The following STX7 variants were observed in gnomAD, a reference collection of about 807,000 sequenced individuals.
STX7 encodes the protein syntaxin-7.
STX7 carries 34 observed loss-of-function variants against 39.6 expected under a neutral mutation model. The observed-to-expected ratio is 0.86, with a 90% CI of 0.65 to 1.14. STX7 has a LOEUF of 1.14. STX7 is among the 50% of genes most tolerant of loss of function. The probability of loss-of-function intolerance (pLI) is 0.00; values close to 1 mark genes in which losing one functional copy is unlikely to be tolerated. For synonymous variants in STX7, 119 were observed against 99.1 expected, an observed-to-expected ratio of 1.20 and a Z score of -1.19; for missense variants, 284 against 310.4, an observed-to-expected ratio of 0.92 and a Z score of 0.64.
intron 2 of STX7, 121 bp from the exon 3 acceptor site, chr6:132,475,783 A>ACTTTGTTTTCCAG (rs11274894): frequency 0.21 from 110,328 of 526,024 alleles, 12,630 homozygotes; most frequent in African/African-American, 0.34. Flanking sequence ...AAAGATGAAA[A>ACTTTGTTTTCCAG]TAGAAAATAT....
At position 132,507,696 on chromosome 6, in the gene STX7, G is replaced by A. The variant is rs187376628; in HGVS notation, c.-58-4108C>T. Among the ~76,000 whole-genome samples the A allele has an allele frequency of 2.5e-4, 38 of 152,084 alleles. 1 individual carries two copies. The Middle Eastern group carries it at 0.01, about 41-fold the overall frequency. On this transcript the variant is annotated intron_variant, in intron 1 of 9. Coordinates refer to ENST00000367941, the MANE Select transcript of STX7 (RefSeq NM_003569.3). ...TCATTATTGCCAAATAATATTCCAAGGTATGGAGAAAGACAATTTTCTCTT... is the reference window on the plus strand; with the variant it reads ...TCATTATTGCCAAATAATATTCCAAAGTATGGAGAAAGACAATTTTCTCTT...
rs1774035786 is a variant in STX7 at position 132,447,337 on chromosome 6, T to C, written c.*13421A>G. On this transcript the variant is annotated 3_prime_UTR_variant, in exon 10 of 10. Transcript: ENST00000367941. ...GATTATGGTTAATATCTTTTGCAGA[T>C]TTTCTAAGAAATCTTTCCCTATCAG... is the stretch of plus-strand genomic sequence containing the variant. The C allele has an allele frequency of 6.6e-6, 1 of 152,174 alleles. No homozygotes were observed. Among genetic ancestry groups the C allele is most frequent in the African/African-American group, 2.4e-5 (1 of 41,444 alleles). The allele number at this position is 152,174 out of a possible 1,614,324, so 9.4% of individuals were successfully genotyped here. A position where few individuals can be genotyped will look rare whatever the true frequency, so the allele number is the denominator to read the frequency against.
At chr6:132,484,759 C>A (rs939627968) in intron 2 of STX7, among the ~76,000 whole-genome samples, 7 of 152,146 alleles carry the variant, frequency 4.6e-5, no homozygotes, top group African/African-American at 1.7e-4. Context: ...GGCTGACCAG[C>A]AAGTAGAGTT....
At chr6:132,484,445 G>A (rs192860139) in intron 2 of STX7, among the ~76,000 whole-genome samples, 350 of 152,240 alleles carry the variant, frequency 2.3e-3, no homozygotes, top group Non-Finnish European at 4.1e-3. Flanking sequence ...AATACATAAT[G>A]TTACCACCCG....
chr6:132,470,085 T>C, intron 6 of STX7, 38 bp from the exon 7 acceptor site: 1 of 1,479,852 alleles, frequency 6.8e-7, no homozygotes, highest in East Asian at 2.5e-5. Flanking sequence ...AAACAAAGAT[T>C]GGTATTCAAA....
chr6:132,481,337 A>G (rs1462777768), intron 2 of STX7, among the ~76,000 whole-genome samples: 1 of 152,120 alleles, frequency 6.6e-6, no homozygotes, highest in Non-Finnish European at 1.5e-5. Context: ...TGGAGGGGGA[A>G]AAAAACTGGT....
chr6:132,453,357 A>G lies in STX7; in HGVS notation c.*7401T>C, dbSNP rs1774178106. ...TCTAAGGAGAGAGGCAAAGTTCTTG[A>G]TACCAGAAGCATGATCCATAAAAAG... On this transcript the variant is annotated 3_prime_UTR_variant, in exon 10 of 10. Transcript: ENST00000367941. 6.6e-6 allele frequency: 1 copy of G among 152,122 alleles called. No homozygotes were observed. The highest frequency in any genetic ancestry group is 1.9e-4 in the East Asian group (1 of 5,202). The allele number at this position is 152,122 out of a possible 1,614,324, so 9.4% of individuals were successfully genotyped here.
At position 132,458,348 on chromosome 6, in the gene STX7, A is replaced by G. The variant is rs1269562129; in HGVS notation, c.*2410T>C. The G allele has an allele frequency of 6.6e-6, 1 of 152,226 alleles. No homozygotes were observed. Among genetic ancestry groups the G allele is most frequent in the Non-Finnish European group, 1.5e-5 (1 of 68,042 alleles). The allele number at this position is 152,226 out of a possible 1,614,324, so 9.4% of individuals were successfully genotyped here. A position where few individuals can be genotyped will look rare whatever the true frequency, so the allele number is the denominator to read the frequency against. On this transcript the variant is annotated 3_prime_UTR_variant, in exon 10 of 10. Transcript: ENST00000367941. Reference sequence around the variant, plus strand: ...ACCTACTAAAAAAACAAGCTACTCTAGTATCAATATGACATCACTCTTTTA... The same window carrying G: ...ACCTACTAAAAAAACAAGCTACTCTGGTATCAATATGACATCACTCTTTTA...
At chr6:132,472,467 G>A (rs896977149) in intron 3 of STX7, 92 bp from the exon 4 acceptor site, 2 of 955,838 alleles carry the variant, frequency 2.1e-6, no homozygotes, top group Non-Finnish European at 1.5e-6. Flanking sequence ...ATAAACAGTT[G>A]TACAAAAATT....
chr6:132,477,712 G>A (rs558748721), intron 2 of STX7, among the ~76,000 whole-genome samples: 7 of 151,904 alleles, frequency 4.6e-5, no homozygotes, highest in Non-Finnish European at 8.8e-5. Flanking sequence ...AAAATAACTT[G>A]GTTAAATGTT....
intron 2 of STX7, among the ~76,000 whole-genome samples, chr6:132,485,965 T>C (rs745798561): frequency 1.3e-5 from 2 of 152,238 alleles, no homozygotes; most frequent in Non-Finnish European, 2.9e-5. Flanking sequence ...TAATGTTTGA[T>C]GTTATTGTAA....
intron 1 of STX7, among the ~76,000 whole-genome samples, chr6:132,510,198 T>C (rs1287573149): frequency 1.3e-5 from 2 of 152,192 alleles, no homozygotes; most frequent in East Asian, 1.9e-4. Flanking sequence ...TTACAATTTA[T>C]TGCATATTTT....
chr6:132,502,600 T>C (rs947437002), intron 2 of STX7, among the ~76,000 whole-genome samples: 41 of 150,572 alleles, frequency 2.7e-4, no homozygotes, highest in Non-Finnish European at 3.7e-4. Flanking sequence ...CTCTGACAAG[T>C]ATAGCAAAGA....
chr6:132,496,589 A>C (rs898495695), intron 2 of STX7, among the ~76,000 whole-genome samples: 4 of 152,188 alleles, frequency 2.6e-5, no homozygotes, highest in African/African-American at 9.6e-5. Context: ...CAGCCTCTTA[A>C]CAAAACATAG....
chr6:132,505,181 T>TAACCC (rs1048917420), intron 1 of STX7, among the ~76,000 whole-genome samples: 51 of 152,356 alleles, frequency 3.3e-4, no homozygotes, highest in Admixed American at 2.5e-3. Flanking sequence ...TAAGTAATGG[T>TAACCC]AACCCAACCC....
chr6:132,467,046 C>T (rs1213612517), intron 8 of STX7, among the ~76,000 whole-genome samples: 1 of 152,166 alleles, frequency 6.6e-6, no homozygotes. Flanking sequence ...CTGCAATAGC[C>T]TTTTAGGTGA....
At chr6:132,482,426 C>T (rs373044652) in intron 2 of STX7, among the ~76,000 whole-genome samples, 1 of 152,046 alleles carries the variant, frequency 6.6e-6, no homozygotes, top group Non-Finnish European at 1.5e-5. Flanking sequence ...AAATATTATA[C>T]GGTATTAGTT....
intron 1 of STX7, among the ~76,000 whole-genome samples, chr6:132,505,459 T>C (rs1289245660): frequency 1.3e-5 from 2 of 152,176 alleles, no homozygotes; most frequent in Non-Finnish European, 2.9e-5. Flanking sequence ...CTTTTAGATA[T>C]TCTCCAACTT....
At chr6:132,493,827 C>T (rs147188833) in intron 2 of STX7, among the ~76,000 whole-genome samples, 171 of 152,280 alleles carry the variant, frequency 1.1e-3, no homozygotes, top group African/African-American at 3.9e-3. Context: ...TTATACTGTT[C>T]GATTCCTACT....
Sources: gnomAD v4.1 joint callset for allele counts (sites outside exome capture counted in the v4.1 genomes callset) on GRCh38, gnomAD v4.1.1 for gene constraint, MANE v1.5 for transcripts, NCBI Gene and HGNC (gene_info 2026-07-23, HGNC 2026-07-21) for gene names.